The following GPR160 variants were observed in gnomAD, a reference collection of about 807,000 sequenced individuals.
GPR160 encodes probable G protein-coupled receptor 160.
In GPR160, 2 loss-of-function variants were observed where a neutral mutation model predicts 2.6. The observed-to-expected ratio is 0.77, with a 90% confidence interval of 0.32 to 2.44. GPR160 has a LOEUF of 2.44. Among genes scored for constraint, GPR160 ranks in the 30% most tolerant of loss-of-function variants. GPR160 has a pLI of 0.11. For synonymous variants in GPR160, 130 were observed against 132.2 expected, an observed-to-expected ratio of 0.98 and a Z score of 0.12; for missense variants, 351 against 383.6, an observed-to-expected ratio of 0.91 and a Z score of 0.71.
intron 2 of GPR160, among the ~76,000 whole-genome samples, chr3:170,045,863 C>T (rs1716698857): frequency 6.6e-6 from 1 of 152,164 alleles, no homozygotes; most frequent in African/African-American, 2.4e-5. Context: ...GGTTCTTCCA[C>T]CACCTGTGTG....
In GPR160 at chr3:170,084,770, A is replaced by G. The variant is rs764007123; in HGVS notation, c.798A>G (p.Lys266=). 6.2e-7 allele frequency: 1 copy of G among 1,607,642 alleles called. No individual in the cohort carries two copies. Among genetic ancestry groups the G allele is most frequent in the Admixed American group, 1.7e-5 (1 of 59,938 alleles). Residue 266 remains lysine (K), a synonymous_variant, in exon 4 of 4, where the codon AAA becomes AAG. Coordinates refer to ENST00000355897, the MANE Select transcript of GPR160 (RefSeq NM_014373.3). ...TTCAGGTAATCATTGTTTTACTTAA[A>G]GTTCAGATTCCAGCATATATTGAGA... is the stretch of plus-strand genomic sequence containing the variant. ...VLLQVIIVLL[K]VQIPAYIEMN...
intron 2 of GPR160, among the ~76,000 whole-genome samples, chr3:170,049,250 T>C (rs1716856552): frequency 6.6e-6 from 1 of 152,200 alleles, no homozygotes; most frequent in African/African-American, 2.4e-5. Context: ...ATTTTCCTGT[T>C]ATTTAGTTTT....
Position 170,084,189 on chromosome 3 carries a change from A to T in GPR160, c.217A>T (p.Ile73Phe). The change falls in exon 4 of 4, where the codon ATT becomes TTT. Residue 73 changes from isoleucine to phenylalanine, a missense_variant. Ile to Phe is a conservative substitution (Grantham distance 21). Transcript: ENST00000355897. Reference sequence around the variant, plus strand: ...CGTTGATCTTTTACTTTTGGTAAACATTTCCATTATATTGTATTTCAGGGA... The same window carrying T: ...CGTTGATCTTTTACTTTTGGTAAACTTTTCCATTATATTGTATTTCAGGGA... ...AFVDLLLLVNISIILYFRDFV... is the reference protein window; with the variant it reads ...AFVDLLLLVNFSIILYFRDFV... 1 of 1,590,284 alleles carries T rather than the reference A, an allele frequency of 6.3e-7. No homozygotes were observed. The highest frequency in any genetic ancestry group is 1.1e-5 in the South Asian group (1 of 87,356).
intron 2 of GPR160, among the ~76,000 whole-genome samples, chr3:170,059,238 G>A (rs1164500317): frequency 6.6e-6 from 1 of 151,964 alleles, no homozygotes; most frequent in African/African-American, 2.4e-5. Flanking sequence ...AAATTAAAAT[G>A]AACTAAAAAT....
intron 2 of GPR160, among the ~76,000 whole-genome samples, chr3:170,071,076 G>C (rs968228008): frequency 7.5e-6 from 1 of 133,518 alleles, no homozygotes; most frequent in Admixed American, 7.8e-5. Flanking sequence ...TCGTTTTTCT[G>C]TTGTGAATCC....
At chr3:170,056,480 A>G (rs1711647885) in intron 2 of GPR160, among the ~76,000 whole-genome samples, 1 of 152,212 alleles carries the variant, frequency 6.6e-6, no homozygotes, top group Non-Finnish European at 1.5e-5. Context: ...GCCCGGGGAA[A>G]CAGGTTAGCT....
chr3:170,082,115 A>G (rs908465579), intron 3 of GPR160, among the ~76,000 whole-genome samples: 2 of 152,150 alleles, frequency 1.3e-5, no homozygotes, highest in East Asian at 1.9e-4. Flanking sequence ...TTTTTTCCTT[A>G]AAGTTTGGGA....
At chr3:170,063,552 C>CAAAAAAAAAAAAAA (rs528295183) in intron 2 of GPR160, among the ~76,000 whole-genome samples, 211 of 78,846 alleles carry the variant, frequency 2.7e-3, no homozygotes, top group Non-Finnish European at 3.2e-3. Flanking sequence ...ACAAAAAAAG[C>CAAAAAAAAAAAAAA]AAAAAAAAAA....
At chr3:170,067,644 C>T (rs1437997273) in intron 2 of GPR160, among the ~76,000 whole-genome samples, 1 of 152,008 alleles carries the variant, frequency 6.6e-6, no homozygotes, top group Non-Finnish European at 1.5e-5. Context: ...AATCACAGTC[C>T]CTCGCTTCCC....
rs752346866 is a variant in GPR160, at chr3:170,084,516, A to C, written c.544A>C (p.Ser182Arg). 6 of 1,612,626 alleles carry C rather than the reference A, an allele frequency of 3.7e-6. No homozygotes were observed. Among genetic ancestry groups the C allele is most frequent in the Non-Finnish European group, 5.1e-6 (6 of 1,178,694 alleles). ...RHCPFYVSIQ[S>R]YWLSFFMVMI... ...CTGTCCTTTCTATGTCAGCATTCAG[A>C]GTTACTGGCTGTCATTTTTCATGGT... is the stretch of plus-strand genomic sequence containing the variant. Residue 182 changes from serine to arginine, a missense_variant, in exon 4 of 4, where the codon AGT becomes CGT. Physicochemically the swap from Ser to Arg is moderately radical, Grantham distance 110. Transcript: ENST00000355897.
At chr3:170,043,127 C>T (rs892251640) in intron 2 of GPR160, among the ~76,000 whole-genome samples, 10 of 151,874 alleles carry the variant, frequency 6.6e-5, no homozygotes, top group South Asian at 4.2e-4. Flanking sequence ...GTGATCTGCC[C>T]GCCTCAGCCT....
chr3:170,071,637 CA>C (rs149655088), intron 2 of GPR160, among the ~76,000 whole-genome samples: 5 of 151,032 alleles, frequency 3.3e-5, no homozygotes, highest in African/African-American at 1.2e-4. Context: ...ACTAAAAATA[CA>C]AAAAAAAATT....
intron 2 of GPR160, among the ~76,000 whole-genome samples, chr3:170,046,960 G>A (rs1716748385): frequency 6.6e-6 from 1 of 152,134 alleles, no homozygotes; most frequent in Admixed American, 6.5e-5. Flanking sequence ...GATAGCTAAG[G>A]TGTTGCTGGG....
chr3:170,074,636 C>G (rs574900256), intron 2 of GPR160, among the ~76,000 whole-genome samples: 1 of 152,138 alleles, frequency 6.6e-6, no homozygotes, highest in African/African-American at 2.4e-5. Context: ...TGCCCACCAC[C>G]ACACCCAGCT....
Position 170,084,922 on chromosome 3 carries a change from G to A in GPR160, c.950G>A (p.Cys317Tyr). Residue 317 changes from cysteine (C) to tyrosine (Y), a missense_variant, in exon 4 of 4, where the codon TGC becomes TAC. Transcript: ENST00000355897. ...GATCCATTTGTCAACTGGAAGTGCT[G>A]CTTCATTCCACTTACAATTCCTAAT... Reference protein sequence around the residue: ...PLDPFVNWKCCFIPLTIPNLE... With the variant: ...PLDPFVNWKCYFIPLTIPNLE... 1 of 1,603,058 alleles carries A rather than the reference G, an allele frequency of 6.2e-7. No homozygotes were observed.
intron 2 of GPR160, among the ~76,000 whole-genome samples, chr3:170,047,510 A>G (rs958052711): frequency 1.3e-5 from 2 of 152,164 alleles, no homozygotes; most frequent in African/African-American, 2.4e-5. Flanking sequence ...CATTTTATAA[A>G]CAATTCATTT....
chr3:170,084,989 A>G lies in GPR160; in HGVS notation c.1017A>G (p.Ter339=), dbSNP rs1181346678. 1.5e-6 allele frequency: 2 copies of G among 1,369,970 alleles called. No individual in the cohort carries two copies. Among genetic ancestry groups the G allele is most frequent in the African/African-American group, 1.5e-5 (1 of 68,010 alleles). 84.9% of individuals were successfully genotyped at this position (1,369,970 alleles called of 1,614,324 possible). The change falls in exon 4 of 4, where the codon TAA becomes TAG. Residue 339 remains the stop codon, a stop_retained_variant. Coordinates refer to ENST00000355897, the MANE Select transcript of GPR160 (RefSeq NM_014373.3). ...IEKPISIMIC[*] ...AGCCTATATCAATAATGATTTGTTA[A>G]TATTATTAATTAAAAGTTACAGCTG...
chr3:170,038,704 C>A lies in GPR160; in HGVS notation c.-321-211C>A, dbSNP rs1030987126. 1 of 152,122 alleles carries A rather than the reference C, an allele frequency of 6.6e-6. No homozygotes were observed. Among genetic ancestry groups the A allele is most frequent in the Non-Finnish European group, 1.5e-5 (1 of 68,038 alleles). The allele number at this position is 152,122 out of a possible 1,614,324, so 9.4% of individuals were successfully genotyped here. On this transcript the variant is annotated intron_variant, in intron 1 of 3. Coordinates refer to ENST00000355897, the MANE Select transcript of GPR160 (RefSeq NM_014373.3). This position sits in a 1 kb window ranked among gnomAD's most constrained non-coding sequence, Gnocchi z 5.3. ...CATTGGGGCCGACTTTGCCTCCCCT[C>A]CCCTGGCCTCGAGCGTTGGGGACGG...
intron 2 of GPR160, among the ~76,000 whole-genome samples, chr3:170,043,958 G>A (rs867588849): frequency 1.3e-5 from 2 of 149,532 alleles, no homozygotes; most frequent in Admixed American, 1.3e-4. Context: ...CCCCAGCCCT[G>A]AGATTGTACT....
Sources: allele counts gnomAD v4.1 joint callset (sites outside exome capture counted in the v4.1 genomes callset), GRCh38; gene constraint gnomAD v4.1.1; non-coding constraint Gnocchi (gnomAD v3.1); transcripts MANE v1.5; gene names NCBI Gene and HGNC (gene_info 2026-07-23, HGNC 2026-07-21).